The following CUL2 variants were observed in gnomAD, a reference collection of about 807,000 sequenced individuals.
CUL2 encodes cullin 2.
In CUL2, 22 loss-of-function variants were observed where a neutral mutation model predicts 110.2. The ratio of observed to expected loss-of-function variants is 0.20; its 90% confidence interval spans 0.14 to 0.28. The LOEUF (loss-of-function observed/expected upper bound fraction) is 0.28. CUL2 is among the 10% of genes least tolerant of loss of function. CUL2 has a pLI of 1.00. For missense variants in CUL2, 631 were observed against 905.5 expected (o/e 0.70, Z 3.89); for synonymous variants, 279 against 293.2 (o/e 0.95, Z 0.49).
chr10:35,115,084 C>T (rs750578771), intron 1 of CUL2, among the ~76,000 whole-genome samples: 5 of 151,968 alleles, frequency 3.3e-5, no homozygotes, highest in South Asian at 2.1e-4. Flanking sequence ...TGATGATGTG[C>T]GCCTTTAATC....
chr10:35,055,741 C>CT (rs34740379), intron 4 of CUL2, among the ~76,000 whole-genome samples: 16 of 152,134 alleles, frequency 1.1e-4, no homozygotes, highest in South Asian at 2.1e-4. Context: ...AGATCATACT[C>CT]TTTTTTTTCC....
At position 35,085,600 on chromosome 10, in the gene CUL2, C is replaced by T. The variant is rs527983245; in HGVS notation, c.-23+4579G>A. Among the ~76,000 whole-genome samples the T allele has an allele frequency of 4.9e-3, 736 of 149,088 alleles. 1 individual carries two copies. Among genetic ancestry groups the T allele is most frequent in the Non-Finnish European group, 7.9e-3 (536 of 67,496 alleles). ...TCTATGAAAAATACAAAAAATTAGCCGGGCATGGTGGCAGGCGCCTGTAGT... is the reference window on the plus strand; with the variant it reads ...TCTATGAAAAATACAAAAAATTAGCTGGGCATGGTGGCAGGCGCCTGTAGT... On this transcript the variant is annotated intron_variant, in intron 1 of 20. Coordinates refer to ENST00000374749, the MANE Select transcript of CUL2 (RefSeq NM_003591.4).
intron 2 of CUL2, among the ~76,000 whole-genome samples, chr10:35,067,778 CTATTTA>C (rs1208347116): frequency 6.6e-6 from 1 of 151,306 alleles, no homozygotes; most frequent in Non-Finnish European, 1.5e-5. Flanking sequence ...ATTGTTTATT[CTATTTA>C]TATAAAGTCC....
At chr10:35,066,969 G>C (rs909803666) in intron 2 of CUL2, among the ~76,000 whole-genome samples, 6 of 152,172 alleles carry the variant, frequency 3.9e-5, no homozygotes, top group Admixed American at 3.3e-4. Flanking sequence ...GTCTATGTTT[G>C]AAAGAGATGC....
Position 35,031,259 on chromosome 10 carries a change from A to G in CUL2, c.1386+41T>C. The G allele has an allele frequency of 7.9e-7, 1 of 1,263,790 alleles. No homozygotes were observed. Among genetic ancestry groups the G allele is most frequent in the Non-Finnish European group, 1.1e-6 (1 of 892,550 alleles). The allele number at this position is 1,263,790 out of a possible 1,614,324, so 78.3% of individuals were successfully genotyped here. A position where few individuals can be genotyped will look rare whatever the true frequency, so the allele number is the denominator to read the frequency against. On this transcript the variant is annotated intron_variant, in intron 14 of 20. Coordinates refer to ENST00000374749, the MANE Select transcript of CUL2 (RefSeq NM_003591.4). The surrounding 1 kb of genome is among the most constrained non-coding windows in gnomAD (Gnocchi z 4.4). ...AATGAACATCTTTATGTGCTTGTGA[A>G]TGAATTTCTAGGACAATACCACATT...
intron 17 of CUL2, among the ~76,000 whole-genome samples, chr10:35,024,090 C>T (rs560621270): frequency 3.3e-5 from 5 of 152,290 alleles, no homozygotes; most frequent in African/African-American, 1.2e-4. Flanking sequence ...CTGTCTCAGC[C>T]TCCCCAAGTG....
intron 1 of CUL2, among the ~76,000 whole-genome samples, chr10:35,075,649 C>T (rs1014645944): frequency 3.5e-4 from 50 of 142,066 alleles, no homozygotes; most frequent in African/African-American, 1.3e-3. Flanking sequence ...CACACACACA[C>T]ACACACACAC....
At chr10:35,045,567 T>C (rs1471499237) in intron 6 of CUL2, among the ~76,000 whole-genome samples, 1 of 146,258 alleles carries the variant, frequency 6.8e-6, no homozygotes, top group African/African-American at 2.5e-5. Flanking sequence ...AAAAACAACT[T>C]AGCTGTGCAT....
intron 8 of CUL2, among the ~76,000 whole-genome samples, chr10:35,039,842 G>A (rs1428505178): frequency 6.6e-6 from 1 of 151,406 alleles, no homozygotes; most frequent in Non-Finnish European, 1.5e-5. Context: ...GTGACAGAGT[G>A]AGACACTGTC....
intron 2 of CUL2, 127 bp from the exon 3 acceptor site, chr10:35,063,189 T>C (rs528443712): frequency 3.1e-5 from 18 of 576,152 alleles, no homozygotes; most frequent in East Asian, 2.6e-4. Context: ...ATATACATAA[T>C]ACTGTTGTAT....
intron 1 of CUL2, among the ~76,000 whole-genome samples, chr10:35,117,156 A>G (rs1391924664): frequency 1.3e-5 from 2 of 152,346 alleles, no homozygotes; most frequent in African/African-American, 4.8e-5. Context: ...AGATGCCTGC[A>G]GGAAGAGAAG....
intron 1 of CUL2, chr10:35,120,357 A>T (rs2087663219): frequency 6.6e-6 from 1 of 152,218 alleles, no homozygotes; most frequent in Non-Finnish European, 1.5e-5. Flanking sequence ...AGCCTGGGTG[A>T]CAGAGGGAGA....
chr10:35,012,535 G>C (rs1564691879), intron 19 of CUL2, among the ~76,000 whole-genome samples: 1 of 152,092 alleles, frequency 6.6e-6, no homozygotes, highest in African/African-American at 2.4e-5. Context: ...AGCCAGGAGA[G>C]GGGGCCTATC....
intron 17 of CUL2, among the ~76,000 whole-genome samples, chr10:35,021,526 T>C (rs889282599): frequency 6.8e-6 from 1 of 147,908 alleles, no homozygotes; most frequent in Non-Finnish European, 1.5e-5. Context: ...TACATGTTTA[T>C]ATTAATGTCA....
chr10:35,099,556 C>T (rs935951497), intron 2 of CUL2: 5 of 151,826 alleles, frequency 3.3e-5, no homozygotes, highest in African/African-American at 1.2e-4. Flanking sequence ...CCTGAGGTCA[C>T]GAGTTCAAGA....
In CUL2 at chr10:35,044,453, T is replaced by C. The variant is rs1401973279; in HGVS notation, c.714+113A>G. 8 of 638,108 alleles carry C rather than the reference T, an allele frequency of 1.3e-5. No individual in the cohort carries two copies. The Admixed American group carries it at 2.7e-4, about 21-fold the overall frequency. The allele number at this position is 638,108 out of a possible 1,614,324, so 39.5% of individuals were successfully genotyped here. On this transcript the variant is annotated intron_variant, in intron 8 of 20. Transcript: ENST00000374749. ...AGAGTTAATGATTAAATAGATTAAA[T>C]AAACAGAATATTTTTCCACCAAGAA...
chr10:35,051,269 C>G (rs1260433530), intron 5 of CUL2, among the ~76,000 whole-genome samples: 1 of 149,328 alleles, frequency 6.7e-6, no homozygotes, highest in East Asian at 2.0e-4. Flanking sequence ...GAGCCGAGAT[C>G]GCGCCACTGC....
chr10:35,052,622 G>A (rs1295252870), intron 5 of CUL2, among the ~76,000 whole-genome samples: 3 of 152,142 alleles, frequency 2.0e-5, no homozygotes, highest in African/African-American at 4.8e-5. Context: ...ATTGGGGGGC[G>A]CGGTGGCTCA....
At chr10:35,044,493 C>A in intron 8 of CUL2, 73 bp downstream of exon 8, 3 of 903,248 alleles carry the variant, frequency 3.3e-6, no homozygotes, top group Non-Finnish European at 4.9e-6. Context: ...AACAAGAAAA[C>A]TAAGAACGAT....
Sources: gnomAD v4.1 joint callset for allele counts (sites outside exome capture counted in the v4.1 genomes callset) on GRCh38, gnomAD v4.1.1 for gene constraint, Gnocchi (gnomAD v3.1) non-coding constraint, MANE v1.5 for transcripts, NCBI Gene and HGNC (gene_info 2026-07-23, HGNC 2026-07-21) for gene names.